RICTOR: variants seen among roughly 807,000 people sequenced by gnomAD.
RICTOR encodes the protein rapamycin-insensitive companion of mTOR.
Under a neutral mutation model 214.9 loss-of-function variants are expected in RICTOR, and 49 were observed. The ratio of observed to expected loss-of-function variants is 0.23; its 90% CI spans 0.18 to 0.29. The LOEUF (loss-of-function observed/expected upper bound fraction) is 0.29, where lower values mean the gene tolerates loss of function less well. Ranked by LOEUF, RICTOR falls within the 10% of genes least tolerant of loss-of-function variation. RICTOR has a pLI of 1.00. For missense variants in RICTOR, 1,625 were observed against 2,047.0 expected (o/e 0.79, Z 3.98); for synonymous variants, 717 against 711.3 (o/e 1.01, Z -0.13).
intron 2 of RICTOR, among the ~76,000 whole-genome samples, chr5:39,041,869 AGT>A (rs1373531167): frequency 2.9e-4 from 43 of 145,798 alleles, no homozygotes; most frequent in African/African-American, 1.1e-3. Flanking sequence ...ACAGCCTGGG[AGT>A]TCAAGGATGC....
At chr5:38,945,962 A>T (rs1748145543) in intron 33 of RICTOR, among the ~76,000 whole-genome samples, 1 of 152,200 alleles carries the variant, frequency 6.6e-6, no homozygotes, top group Non-Finnish European at 1.5e-5. Context: ...ATAATACATC[A>T]TTTCAATTAT....
At position 38,981,996 on chromosome 5, in the gene RICTOR, T is replaced by C; in HGVS notation, c.624A>G (p.Leu208=). Residue 208 remains leucine, a synonymous_variant, in exon 8 of 38, where the codon CTA becomes CTG. Coordinates refer to ENST00000357387, the MANE Select transcript of RICTOR (RefSeq NM_152756.5). Reference sequence around the variant, plus strand: ...CGATCACATTTTTCAAGATGGTGTTTAGTCCACCTCGAAGGGCCACCACCT... The same window carrying C: ...CGATCACATTTTTCAAGATGGTGTTCAGTCCACCTCGAAGGGCCACCACCT... ...NPEVVALRGG[L]NTILKNVIDC... is the part of the protein sequence containing the mutation. The C allele has an allele frequency of 1.2e-6, 2 of 1,613,412 alleles. No homozygotes were observed. Among genetic ancestry groups the C allele is most frequent in the Non-Finnish European group, 1.7e-6 (2 of 1,179,434 alleles).
intron 2 of RICTOR, among the ~76,000 whole-genome samples, chr5:39,059,183 C>T (rs1212434596): frequency 1.3e-5 from 2 of 152,028 alleles, no homozygotes; most frequent in East Asian, 1.9e-4. Context: ...TAACATCAGG[C>T]ATAAGAAGGC....
At chr5:38,999,627 G>GGAGAAATACAAGAACAAAGAACAT (rs1193822143) in intron 5 of RICTOR, among the ~76,000 whole-genome samples, 4 of 151,948 alleles carry the variant, frequency 2.6e-5, no homozygotes, top group African/African-American at 4.8e-5. Context: ...GCAAAAAAAA[G>GGAGAAATACAAGAACAAAGAACAT]GAGAAATACA....
chr5:39,069,920 C>T (rs1404973831), intron 2 of RICTOR, among the ~76,000 whole-genome samples: 2 of 152,178 alleles, frequency 1.3e-5, no homozygotes, highest in African/African-American at 2.4e-5. Flanking sequence ...ATCATTCTCT[C>T]CTCTGGCTAC....
chr5:39,042,893 T>G (rs1382129763), intron 2 of RICTOR, among the ~76,000 whole-genome samples: 3 of 152,102 alleles, frequency 2.0e-5, no homozygotes, highest in Non-Finnish European at 4.4e-5. Flanking sequence ...GACAAAAAAA[T>G]GCAGGGAGCC....
Position 38,947,377 on chromosome 5 carries a change from T to C in RICTOR, c.4201A>G (p.Asn1401Asp). 1 of 1,612,174 alleles carries C rather than the reference T, an allele frequency of 6.2e-7. No homozygotes were observed. Among genetic ancestry groups the C allele is most frequent in the Admixed American group, 1.7e-5 (1 of 59,984 alleles). Reference protein sequence around the residue: ...KEDLLSPINQNTLQRSSSVRS... With the variant: ...KEDLLSPINQDTLQRSSSVRS... ...ACTGAGGAAGATCGTTGCAGGGTAT[T>C]TTGATTAATAGGACTCAATAAATCT... The change falls in exon 32 of 38, where the codon AAT becomes GAT. Residue 1401 changes from asparagine (N) to aspartate (D), a missense_variant. Transcript: ENST00000357387.
In RICTOR at chr5:38,941,764, T is replaced by C; in HGVS notation, c.*540A>G. ...AGGTTATAAACCTCTGAAGTAGTGT[T>C]ACAAACATTAAGAAAAACGTGAAAG... On this transcript the variant is annotated 3_prime_UTR_variant, in exon 38 of 38. Coordinates refer to ENST00000357387, the MANE Select transcript of RICTOR (RefSeq NM_152756.5). 4.3e-6 allele frequency: 1 copy of C among 232,710 alleles called. No individual in the cohort carries two copies. Among genetic ancestry groups the C allele is most frequent in the Non-Finnish European group, 8.5e-6 (1 of 117,488 alleles). The allele number at this position is 232,710 out of a possible 1,614,324, so 14.4% of individuals were successfully genotyped here.
At chr5:38,976,495 T>A (rs1272405947) in intron 9 of RICTOR, among the ~76,000 whole-genome samples, 1 of 151,896 alleles carries the variant, frequency 6.6e-6, no homozygotes, top group Non-Finnish European at 1.5e-5. Context: ...AAGACTAAGC[T>A]ATGCAGCACC....
intron 3 of RICTOR, among the ~76,000 whole-genome samples, chr5:39,005,520 G>T (rs1753988721): frequency 6.6e-6 from 1 of 152,082 alleles, no homozygotes; most frequent in African/African-American, 2.4e-5. Context: ...ATGTGCTAAT[G>T]AAATTCTTCA....
At chr5:39,053,388 G>A (rs888706185) in intron 2 of RICTOR, among the ~76,000 whole-genome samples, 6 of 152,110 alleles carry the variant, frequency 3.9e-5, no homozygotes, top group African/African-American at 1.4e-4. Flanking sequence ...AACCCTCAGT[G>A]TCACTCAGAG....
chr5:39,017,417 T>C, intron 3 of RICTOR, among the ~76,000 whole-genome samples: 1 of 152,132 alleles, frequency 6.6e-6, no homozygotes, highest in East Asian at 1.9e-4. Flanking sequence ...TTTGACATTA[T>C]CTCACCACCA....
intron 2 of RICTOR, among the ~76,000 whole-genome samples, chr5:39,046,957 G>A (rs984250195): frequency 1.3e-5 from 2 of 151,856 alleles, no homozygotes; most frequent in South Asian, 2.1e-4. Flanking sequence ...TCAAAAGTTC[G>A]ATTCTAAAAT....
intron 2 of RICTOR, among the ~76,000 whole-genome samples, chr5:39,060,810 G>C (rs1758492420): frequency 6.6e-6 from 1 of 151,922 alleles, no homozygotes; most frequent in Non-Finnish European, 1.5e-5. Context: ...TCTTATACAT[G>C]ATGCTGTCTT....
At position 39,004,734 on chromosome 5, in the gene RICTOR, T is replaced by A. The variant is rs139349738; in HGVS notation, c.196-1112A>T. 2.2e-3 allele frequency among the ~76,000 whole-genome samples: 325 copies of A among 151,126 alleles called. 1 individual carries two copies. Among genetic ancestry groups the A allele is most frequent in the African/African-American group, 7.4e-3 (305 of 41,216 alleles). ...TGCCTGCCTAAGCCTCCTGAAGTGC[T>A]GGGATTACAGGCGTGAGCCACCGCA... On this transcript the variant is annotated intron_variant, in intron 3 of 37. Coordinates refer to ENST00000357387, the MANE Select transcript of RICTOR (RefSeq NM_152756.5).
intron 2 of RICTOR, among the ~76,000 whole-genome samples, chr5:39,044,323 C>T (rs1322459922): frequency 6.6e-6 from 1 of 152,062 alleles, no homozygotes; most frequent in Non-Finnish European, 1.5e-5. Context: ...ATATTAAAGA[C>T]TATGTTTATT....
intron 2 of RICTOR, among the ~76,000 whole-genome samples, chr5:39,038,651 T>A (rs1257470714): frequency 6.6e-6 from 1 of 152,156 alleles, no homozygotes; most frequent in Non-Finnish European, 1.5e-5. Context: ...TGTGCAAAAA[T>A]CACAAGCATT....
At chr5:39,014,540 T>C (rs1378127900) in intron 3 of RICTOR, among the ~76,000 whole-genome samples, 2 of 152,136 alleles carry the variant, frequency 1.3e-5, no homozygotes, top group Non-Finnish European at 2.9e-5. Context: ...AAATAAATAT[T>C]CTTTTAAAGC....
At chr5:39,063,135 C>A (rs999064915) in intron 2 of RICTOR, among the ~76,000 whole-genome samples, 27 of 152,050 alleles carry the variant, frequency 1.8e-4, no homozygotes, top group African/African-American at 6.5e-4. Context: ...ACTGAAGGTG[C>A]AAGACATATG....
Sources: allele counts gnomAD v4.1 joint callset (sites outside exome capture counted in the v4.1 genomes callset), GRCh38; gene constraint gnomAD v4.1.1; transcripts MANE v1.5; gene names NCBI Gene and HGNC (gene_info 2026-07-23, HGNC 2026-07-21).